PREX2: variants seen among roughly 807,000 people sequenced by gnomAD.
The protein encoded by PREX2 is phosphatidylinositol-3,4,5-trisphosphate dependent Rac exchange factor 2, also known as phosphatidylinositol 3,4,5-trisphosphate-dependent Rac exchanger 2 protein.
PREX2 carries 107 observed loss-of-function variants against 203.2 expected under a neutral mutation model. The observed-to-expected ratio is 0.53, with a 90% CI of 0.45 to 0.62. The LOEUF (loss-of-function observed/expected upper bound fraction) is 0.62. Ranked by LOEUF, PREX2 falls within the 20% of genes least tolerant of loss-of-function variation. The pLI, the probability that PREX2 is intolerant of heterozygous loss-of-function variation, is 0.00. For synonymous variants in PREX2, 672 were observed against 663.6 expected (o/e 1.01, Z -0.19); for missense variants, 1,777 against 1,955.9 (o/e 0.91, Z 1.72).
At chr8:68,122,012 C>T (rs1183979347) in intron 30 of PREX2, among the ~76,000 whole-genome samples, 1 of 152,128 alleles carries the variant, frequency 6.6e-6, no homozygotes, top group Non-Finnish European at 1.5e-5. Context: ...AACAGAATTA[C>T]AGTGTAACTG....
chr8:68,035,874 C>G (rs1016393062), intron 6 of PREX2, among the ~76,000 whole-genome samples: 3 of 152,158 alleles, frequency 2.0e-5, no homozygotes, highest in Admixed American at 6.5e-5. Context: ...AAAACACAAT[C>G]TGACCGAAGT....
rs575599448 is a variant in PREX2 at position 68,038,554 on chromosome 8, G to A, written c.839+262G>A. Among the ~76,000 whole-genome samples, 8 of 152,168 alleles carry A rather than the reference G, an allele frequency of 5.3e-5. No individual in the cohort carries two copies. The South Asian group carries it at 8.3e-4, about 16-fold the overall frequency. On this transcript the variant is annotated intron_variant, in intron 7 of 39. Transcript: ENST00000288368. ...TCAGAGCCCTCTTGAGGAGAGGTGC[G>A]GTTTGTTCCTAACCCACATATCTCA...
rs2129615744 is a variant in PREX2, at chr8:68,234,335, C to T, written c.*2957C>T. The T allele has an allele frequency of 6.6e-6, 1 of 152,102 alleles. No homozygotes were observed. The highest frequency in any genetic ancestry group is 1.9e-4 in the East Asian group (1 of 5,192). The allele number at this position is 152,102 out of a possible 1,614,324, so 9.4% of individuals were successfully genotyped here. On this transcript the variant is annotated 3_prime_UTR_variant, in exon 40 of 40. Transcript: ENST00000288368. ...ACTGCTAAAACCTGCTAACTTCTTC[C>T]AGGTTCTGAGCATGGACAACTCCCA...
At chr8:67,962,088 A>G (rs1478367871) in intron 1 of PREX2, among the ~76,000 whole-genome samples, 1 of 152,240 alleles carries the variant, frequency 6.6e-6, no homozygotes, top group Non-Finnish European at 1.5e-5. Context: ...TTTCTCGGAA[A>G]GAGTCAAATA....
At chr8:68,214,233 C>A (rs1812792695) in intron 37 of PREX2, among the ~76,000 whole-genome samples, 1 of 152,026 alleles carries the variant, frequency 6.6e-6, no homozygotes, top group Non-Finnish European at 1.5e-5. Flanking sequence ...GAACCCATCT[C>A]CACAAAAAAT....
rs574122825 is a variant in PREX2, at chr8:68,205,593, A to G, written c.4605-12023A>G. ...GACTGCATTAGTCCTCAGATGTACA[A>G]TTCTTCCTCCATGGAAGGTAATGAA... On this transcript the variant is annotated intron_variant, in intron 37 of 39. Coordinates refer to ENST00000288368, the MANE Select transcript of PREX2 (RefSeq NM_024870.4). Among the ~76,000 whole-genome samples, 5 of 152,348 alleles carry G rather than the reference A, an allele frequency of 3.3e-5. No homozygotes were observed. In the South Asian group the frequency reaches 1.0e-3, roughly 32 times the overall value.
intron 1 of PREX2, among the ~76,000 whole-genome samples, chr8:68,002,415 G>A (rs1339034190): frequency 6.6e-6 from 1 of 152,122 alleles, no homozygotes; most frequent in African/African-American, 2.4e-5. Flanking sequence ...CCAAAGTGCT[G>A]GGATTACTCC....
At chr8:67,988,703 G>A (rs986361231) in intron 1 of PREX2, among the ~76,000 whole-genome samples, 14 of 152,322 alleles carry the variant, frequency 9.2e-5, no homozygotes, top group African/African-American at 3.1e-4. Context: ...TAAGTTAGGG[G>A]CCTTCTCCTT....
In PREX2 at chr8:68,108,220, A is replaced by T; in HGVS notation, c.2827A>T (p.Met943Leu). 1 of 1,613,998 alleles carries T rather than the reference A, an allele frequency of 6.2e-7. No individual in the cohort carries two copies. Among genetic ancestry groups the T allele is most frequent in the Non-Finnish European group, 8.5e-7 (1 of 1,179,912 alleles). Residue 943 changes from methionine (M) to leucine (L), a missense_variant, in exon 24 of 40, where the codon ATG becomes TTG. Met to Leu is a conservative substitution (Grantham distance 15). Coordinates refer to ENST00000288368, the MANE Select transcript of PREX2 (RefSeq NM_024870.4). ...FCPTNCHVNV[M>L]EVSYPKTSTS... ...CCCTACCAACTGCCATGTCAATGTG[A>T]TGGAAGTTTCTTATCCCAAAACATC...
chr8:68,119,473 C>G lies in PREX2; in HGVS notation c.3463C>G (p.Gln1155Glu), dbSNP rs773881804. The change falls in exon 28 of 40, where the codon CAG becomes GAG. Residue 1155 changes from glutamine (Q) to glutamate (E), a missense_variant. Physicochemically the swap from Gln to Glu is conservative, Grantham distance 29 (BLOSUM62 2). Coordinates refer to ENST00000288368, the MANE Select transcript of PREX2 (RefSeq NM_024870.4). ...PLSVRISHDK[Q>E]DKIHSCLEHL... ...AAGTGTTCGCATATCTCATGATAAA[C>G]AGGACAAGATACATAGTTGCCTTGA... is the stretch of plus-strand genomic sequence containing the variant. 15 of 1,613,600 alleles carry G rather than the reference C, an allele frequency of 9.3e-6. No homozygotes were observed. Among genetic ancestry groups the G allele is most frequent in the Admixed American group, 3.3e-5 (2 of 59,968 alleles).
intron 1 of PREX2, among the ~76,000 whole-genome samples, chr8:67,979,432 A>G (rs1806203202): frequency 6.6e-6 from 1 of 152,156 alleles, no homozygotes; most frequent in South Asian, 2.1e-4. Context: ...CAATGAAAAA[A>G]CTGTTCCAAA....
chr8:67,973,706 A>G (rs1281548793), intron 1 of PREX2, among the ~76,000 whole-genome samples: 2 of 152,168 alleles, frequency 1.3e-5, no homozygotes, highest in Non-Finnish European at 2.9e-5. Flanking sequence ...ATTACTATGT[A>G]TGTGGGTTTT....
intron 35 of PREX2, among the ~76,000 whole-genome samples, chr8:68,190,540 C>T (rs1440490143): frequency 1.3e-5 from 2 of 152,016 alleles, no homozygotes; most frequent in Admixed American, 6.6e-5. Context: ...GCAATAGATA[C>T]TGAGGGTTGA....
chr8:68,093,770 CT>C (rs774418242), intron 21 of PREX2, 48 bp downstream of exon 21: 16 of 1,019,930 alleles, frequency 1.6e-5, no homozygotes, highest in South Asian at 8.3e-5. Flanking sequence ...TTCTTTTCCA[CT>C]GTGCATGTGC....
At position 68,235,737 on chromosome 8, in the gene PREX2, G is replaced by C. The variant is rs1339354469; in HGVS notation, c.*4359G>C. On this transcript the variant is annotated 3_prime_UTR_variant, in exon 40 of 40. Transcript: ENST00000288368. Reference sequence around the variant, plus strand: ...TCCTAGGTGCTACAACTCCATACTAGTCATTACAGTTAGTCTTTGGTTTCA... The same window carrying C: ...TCCTAGGTGCTACAACTCCATACTACTCATTACAGTTAGTCTTTGGTTTCA... 1 of 152,046 alleles carries C rather than the reference G, an allele frequency of 6.6e-6. No homozygotes were observed. Among genetic ancestry groups the C allele is most frequent in the East Asian group, 1.9e-4 (1 of 5,190 alleles). The allele number at this position is 152,046 out of a possible 1,614,324, so 9.4% of individuals were successfully genotyped here.
At chr8:67,990,585 C>T (rs1333130266) in intron 1 of PREX2, among the ~76,000 whole-genome samples, 1 of 151,252 alleles carries the variant, frequency 6.6e-6, no homozygotes, top group Non-Finnish European at 1.5e-5. Flanking sequence ...TCTCAGCTCA[C>T]TGCAACCTCC....
intron 31 of PREX2, among the ~76,000 whole-genome samples, chr8:68,133,615 A>T (rs947551496): frequency 6.6e-6 from 1 of 152,196 alleles, no homozygotes. Context: ...GAGTAGGTTT[A>T]GTTGTTAATT....
At chr8:68,138,821 GTAGTTTGTTATTATTTT>G (rs1200642075) in intron 33 of PREX2, among the ~76,000 whole-genome samples, 1 of 152,060 alleles carries the variant, frequency 6.6e-6, no homozygotes, top group Non-Finnish European at 1.5e-5. Flanking sequence ...GAAATCTTCA[GTAGTTTGTTATTATTTT>G]TATATGTCTC....
intron 35 of PREX2, among the ~76,000 whole-genome samples, chr8:68,189,042 A>G (rs1229495284): frequency 6.6e-6 from 1 of 152,224 alleles, no homozygotes. Context: ...GGCAGAAATG[A>G]AATAAGAATA....
Sources: gnomAD v4.1 joint callset for allele counts (sites outside exome capture counted in the v4.1 genomes callset) on GRCh38, gnomAD v4.1.1 for gene constraint, MANE v1.5 for transcripts, NCBI Gene and HGNC (gene_info 2026-07-23, HGNC 2026-07-21) for gene names.